The following GRID2 variants were observed in gnomAD, a reference collection of about 807,000 sequenced individuals.
The protein encoded by GRID2 is glutamate receptor ionotropic, delta-2.
A neutral mutation model predicts 114.8 loss-of-function variants in GRID2; 33 were observed. The ratio of observed to expected loss-of-function variants is 0.29; its 90% CI spans 0.22 to 0.38. The LOEUF is 0.38. Among genes scored for constraint, GRID2 ranks in the 10% least tolerant of loss-of-function variants. The pLI is 1.00. For synonymous variants in GRID2, 505 were observed against 449.9 expected (o/e 1.12, Z -1.55); for missense variants, 1,184 against 1,257.7 (o/e 0.94, Z 0.89).
At chr4:93,583,553 ATCCCCATAACAATC>A (rs1319692548) in intron 13 of GRID2, among the ~76,000 whole-genome samples, 15 of 152,226 alleles carry the variant, frequency 9.9e-5, no homozygotes, top group African/African-American at 3.6e-4. Flanking sequence ...CAAACATCCA[ATCCCCATAACAATC>A]CTGGCAAGTA....
intron 2 of GRID2, chr4:92,822,421 C>T: frequency 5.4e-6 from 3 of 552,382 alleles, no homozygotes; most frequent in Non-Finnish European, 1.1e-5. Context: ...CCAGCTTGTC[C>T]CAGCTACAGA....
At chr4:93,284,422 C>T (rs141363955) in intron 8 of GRID2, among the ~76,000 whole-genome samples, 5 of 151,834 alleles carry the variant, frequency 3.3e-5, no homozygotes, top group African/African-American at 9.7e-5. Flanking sequence ...CTTAATACCT[C>T]GGTGATGACA....
chr4:93,190,131 G>A (rs867937252), intron 4 of GRID2, among the ~76,000 whole-genome samples: 1 of 151,876 alleles, frequency 6.6e-6, no homozygotes, highest in Non-Finnish European at 1.5e-5. Context: ...GTCATAATTT[G>A]TTACCTAAAT....
In GRID2 at chr4:92,860,043, T is replaced by C. The variant is rs142350667; in HGVS notation, c.245-224952T>C. 3.7e-3 allele frequency among the ~76,000 whole-genome samples: 566 copies of C among 152,294 alleles called. 1 individual carries two copies. The highest frequency in any genetic ancestry group is 6.5e-3 in the Non-Finnish European group (439 of 68,010). On this transcript the variant is annotated intron_variant, in intron 2 of 15. Transcript: ENST00000282020. ...GAAGAAGAATGGAGTAATAATCATA[T>C]TTAGTACTTCACAAATATCATTTTA...
At chr4:93,010,178 T>C (rs1223263297) in intron 2 of GRID2, among the ~76,000 whole-genome samples, 2 of 152,086 alleles carry the variant, frequency 1.3e-5, no homozygotes, top group Non-Finnish European at 2.9e-5. Flanking sequence ...TTTTTTATCA[T>C]TTTAGATTTC....
chr4:93,716,772 C>T (rs1269023836), intron 14 of GRID2, among the ~76,000 whole-genome samples: 1 of 152,024 alleles, frequency 6.6e-6, no homozygotes, highest in Non-Finnish European at 1.5e-5. Flanking sequence ...CTTATATCTA[C>T]TCAATTTCTT....
At chr4:93,237,916 G>T (rs756890554) in intron 7 of GRID2, among the ~76,000 whole-genome samples, 47 of 151,834 alleles carry the variant, frequency 3.1e-4, no homozygotes, top group Non-Finnish European at 6.5e-4. Flanking sequence ...TGGATTTTAA[G>T]ATCCCCAGGT....
intron 4 of GRID2, among the ~76,000 whole-genome samples, chr4:93,117,884 CA>C (rs1490478029): frequency 6.6e-6 from 1 of 152,024 alleles, no homozygotes; most frequent in Non-Finnish European, 1.5e-5. Flanking sequence ...AATATAAATA[CA>C]AAAAAGGCAG....
intron 8 of GRID2, among the ~76,000 whole-genome samples, chr4:93,339,507 G>T (rs1759428763): frequency 6.6e-6 from 1 of 152,102 alleles, no homozygotes; most frequent in Non-Finnish European, 1.5e-5. Context: ...GGGTTCCCCT[G>T]CAGGTTTCAG....
chr4:92,608,002 TTAATG>T (rs1729540904), intron 2 of GRID2, among the ~76,000 whole-genome samples: 1 of 151,498 alleles, frequency 6.6e-6, no homozygotes, highest in Admixed American at 6.6e-5. Context: ...AAGGAAAAAA[TTAATG>T]AAAGGGAAAA....
chr4:93,110,687 C>A, intron 3 of GRID2, 61 bp from the exon 4 acceptor site: 1 of 1,080,938 alleles, frequency 9.3e-7, no homozygotes, highest in Non-Finnish European at 1.4e-6. Context: ...GGTGAAATAG[C>A]TTATGCCTTC....
chr4:92,812,738 A>G (rs1433612356), intron 2 of GRID2, among the ~76,000 whole-genome samples: 2 of 152,134 alleles, frequency 1.3e-5, no homozygotes, highest in African/African-American at 2.4e-5. Context: ...TAATCTTGCA[A>G]CTTGATACAG....
intron 8 of GRID2, among the ~76,000 whole-genome samples, chr4:93,300,867 A>G (rs886621029): frequency 1.3e-5 from 2 of 152,232 alleles, no homozygotes; most frequent in Non-Finnish European, 2.9e-5. Context: ...AGTACGTGAC[A>G]GGGGCTGCAT....
chr4:93,168,499 T>C (rs1738477899), intron 4 of GRID2, among the ~76,000 whole-genome samples: 1 of 152,004 alleles, frequency 6.6e-6, no homozygotes, highest in Admixed American at 6.6e-5. Flanking sequence ...AGATAAAAAA[T>C]ATATCACTAC....
chr4:92,381,506 G>GT (rs34512736), intron 1 of GRID2, among the ~76,000 whole-genome samples: 1,719 of 148,568 alleles, frequency 0.012, 10 homozygotes, highest in Non-Finnish European at 0.016. Flanking sequence ...TAAAAGAAGT[G>GT]TTTTTTTTTT....
intron 2 of GRID2, among the ~76,000 whole-genome samples, chr4:93,014,578 C>G (rs1221314358): frequency 1.3e-5 from 2 of 152,014 alleles, no homozygotes; most frequent in Admixed American, 6.6e-5. Context: ...AGAAAGGTCA[C>G]TTTTGATGAC....
chr4:93,213,769 G>A (rs1743853565), intron 5 of GRID2, among the ~76,000 whole-genome samples: 1 of 150,726 alleles, frequency 6.6e-6, no homozygotes, highest in African/African-American at 2.4e-5. Context: ...GTTTCTAGAT[G>A]GAGTTGTATC....
At chr4:92,358,931 T>G (rs17019326) in intron 1 of GRID2, among the ~76,000 whole-genome samples, 3,815 of 152,056 alleles carry the variant, frequency 0.025, 79 homozygotes, top group East Asian at 0.1. Flanking sequence ...ATGTATCAAC[T>G]AATTGCAATT....
Position 93,500,308 on chromosome 4 carries a change from AG to A in GRID2, c.1997+9532del, listed in dbSNP as rs1727971935. On this transcript the variant is annotated intron_variant, in intron 12 of 15. Coordinates refer to ENST00000282020, the MANE Select transcript of GRID2 (RefSeq NM_001510.4). ...GTTTAGTGTAAAGATTAAGTGAAAA[AG>A]AGCATGAATAATATAACACAGTCCA... is the stretch of plus-strand genomic sequence containing the variant. Among the ~76,000 whole-genome samples, 3 of 152,064 alleles carry A rather than the reference AG, an allele frequency of 2.0e-5. 1 individual carries two copies. The South Asian group carries it at 6.2e-4, about 31-fold the overall frequency.
Sources: gnomAD v4.1 joint callset for allele counts (sites outside exome capture counted in the v4.1 genomes callset) on GRCh38, gnomAD v4.1.1 for gene constraint, MANE v1.5 for transcripts, NCBI Gene and HGNC (gene_info 2026-07-23, HGNC 2026-07-21) for gene names.